RELN: variants seen among roughly 807,000 people sequenced by gnomAD.
RELN encodes the protein reelin.
RELN carries 108 observed loss-of-function variants against 427.6 expected under a neutral mutation model. That is an observed-to-expected ratio of 0.25 (90% confidence interval 0.22 to 0.30). The LOEUF (loss-of-function observed/expected upper bound fraction) is 0.30, where lower values mean the gene tolerates loss of function less well. Ranked by LOEUF, RELN falls within the 10% of genes least tolerant of loss-of-function variation. The probability of loss-of-function intolerance (pLI) is 1.00; values close to 1 mark genes in which losing one functional copy is unlikely to be tolerated. For missense variants in RELN, 3,715 were observed against 4,302.8 expected (o/e 0.86, Z 3.82); for synonymous variants, 1,524 against 1,513.4 (o/e 1.01, Z -0.16).
rs57217576 is a variant in RELN, at chr7:103,491,856, T to TCTCTCTCTCTCACA, written c.9443+96_9443+97insTGTGAGAGAGAGAG. ...CTCTCTCTCTCTCTCTCTCTCTCTC[T>TCTCTCTCTCTCACA]CACACACACACACACACACACACAC... On this transcript the variant is annotated intron_variant, in intron 58 of 64. Coordinates refer to ENST00000428762, the MANE Select transcript of RELN (RefSeq NM_005045.4). The TCTCTCTCTCTCACA allele has an allele frequency of 3.1e-5, 9 of 288,650 alleles. No homozygotes were observed. In the East Asian group the frequency reaches 4.3e-4, roughly 14 times the overall value. 17.9% of individuals were successfully genotyped at this position (288,650 alleles called of 1,614,324 possible).
At chr7:103,761,078 C>T (rs1791286877) in intron 4 of RELN, among the ~76,000 whole-genome samples, 1 of 152,068 alleles carries the variant, frequency 6.6e-6, no homozygotes, top group Non-Finnish European at 1.5e-5. Flanking sequence ...TACACAGAAC[C>T]AGCAATATTA....
intron 1 of RELN, among the ~76,000 whole-genome samples, chr7:103,927,103 TA>T (rs1278104017): frequency 6.6e-6 from 1 of 152,342 alleles, no homozygotes; most frequent in East Asian, 1.9e-4. Context: ...TGATTAACTA[TA>T]AAATTCTATT....
At chr7:103,721,896 TTG>T (rs1318862923) in intron 8 of RELN, among the ~76,000 whole-genome samples, 1 of 152,182 alleles carries the variant, frequency 6.6e-6, no homozygotes, top group African/African-American at 2.4e-5. Flanking sequence ...TTAAAAAAAT[TTG>T]TTTTTGTAGC....
intron 2 of RELN, among the ~76,000 whole-genome samples, chr7:103,877,812 T>TTCC (rs1447133465): frequency 6.6e-6 from 1 of 150,462 alleles, no homozygotes; most frequent in Non-Finnish European, 1.5e-5. Context: ...TCCTTCGTCC[T>TTCC]TCCTCCTCCT....
intron 1 of RELN, among the ~76,000 whole-genome samples, chr7:103,957,339 G>A (rs10276794): frequency 6.6e-6 from 1 of 151,996 alleles, no homozygotes; most frequent in Non-Finnish European, 1.5e-5. Flanking sequence ...GCTCGGGGAT[G>A]CAAAACAGAA....
intron 2 of RELN, among the ~76,000 whole-genome samples, chr7:103,914,370 A>G (rs1795436444): frequency 6.6e-6 from 1 of 152,054 alleles, no homozygotes; most frequent in Non-Finnish European, 1.5e-5. Flanking sequence ...CCCCGCAATG[A>G]CAAATGATAG....
intron 3 of RELN, among the ~76,000 whole-genome samples, chr7:103,808,503 T>C (rs959848982): frequency 2.6e-5 from 4 of 152,024 alleles, no homozygotes; most frequent in Admixed American, 2.0e-4. Context: ...ATCACTAGAC[T>C]TTTTAGGAAA....
chr7:103,660,018 T>C (rs1833104243), intron 12 of RELN, among the ~76,000 whole-genome samples: 2 of 152,136 alleles, frequency 1.3e-5, no homozygotes, highest in South Asian at 4.1e-4. Flanking sequence ...CATTGATTAA[T>C]AATATGCTTT....
chr7:103,821,974 A>G (rs545603860), intron 3 of RELN, among the ~76,000 whole-genome samples: 76 of 152,258 alleles, frequency 5.0e-4, no homozygotes, highest in African/African-American at 1.3e-3. Flanking sequence ...GAACTCATCA[A>G]TGTGGATAAC....
intron 2 of RELN, among the ~76,000 whole-genome samples, chr7:103,913,517 T>C (rs1037780708): frequency 3.3e-5 from 5 of 152,132 alleles, no homozygotes; most frequent in African/African-American, 1.2e-4. Context: ...AAGTGCCACA[T>C]TACTTTAGCC....
intron 46 of RELN, among the ~76,000 whole-genome samples, chr7:103,530,937 T>C (rs887714047): frequency 2.2e-4 from 33 of 152,168 alleles, no homozygotes; most frequent in Non-Finnish European, 2.9e-5. Context: ...CTTAAATAGA[T>C]TGTAACCTCC....
chr7:103,858,410 A>C (rs913916223), intron 2 of RELN, among the ~76,000 whole-genome samples: 1 of 152,176 alleles, frequency 6.6e-6, no homozygotes, highest in African/African-American at 2.4e-5. Context: ...CACCTTTGAC[A>C]TGGTAGTTGT....
chr7:103,486,099 T>A, intron 61 of RELN, 98 bp downstream of exon 61: 1 of 1,120,838 alleles, frequency 8.9e-7, no homozygotes. Flanking sequence ...TAGTGACATC[T>A]GTGCCATGAA....
intron 2 of RELN, among the ~76,000 whole-genome samples, chr7:103,868,808 T>C (rs1325354572): frequency 6.6e-6 from 1 of 152,120 alleles, no homozygotes; most frequent in Non-Finnish European, 1.5e-5. Flanking sequence ...ACTCACGAAA[T>C]GTTCCTCTTT....
At chr7:103,683,194 T>C (rs967341698) in intron 10 of RELN, among the ~76,000 whole-genome samples, 6 of 152,112 alleles carry the variant, frequency 3.9e-5, no homozygotes, top group Non-Finnish European at 8.8e-5. Context: ...AAAAACCAAC[T>C]GGACAAAACC....
Position 103,596,769 on chromosome 7 carries a change from C to T in RELN, c.3334-108G>A, listed in dbSNP as rs552902035. The T allele has an allele frequency of 5.4e-6, 5 of 933,082 alleles. No individual in the cohort carries two copies. The South Asian group carries it at 5.5e-5, about 10-fold the overall frequency. 57.8% of individuals were successfully genotyped at this position (933,082 alleles called of 1,614,324 possible). A position where few individuals can be genotyped will look rare whatever the true frequency, so the allele number is the denominator to read the frequency against. On this transcript the variant is annotated intron_variant, in intron 24 of 64. Transcript: ENST00000428762. ...CATCTTAGCACTATGTGGAAATGGT[C>T]TCGTCCCCATTTATTGTGGAGAGAG...
At position 103,596,633 on chromosome 7, in the gene RELN, T is replaced by C. The variant is rs764811560; in HGVS notation, c.3362A>G (p.Asp1121Gly). 3.7e-6 allele frequency: 6 copies of C among 1,614,010 alleles called. No homozygotes were observed. The highest frequency in any genetic ancestry group is 1.7e-5 in the Admixed American group (1 of 59,998). Residue 1121 changes from aspartate (D) to glycine (G), a missense_variant, in exon 25 of 65, where the codon GAC (aspartate) becomes GGC (glycine). Asp to Gly is a moderately conservative substitution (Grantham distance 94, BLOSUM62 -1). Coordinates refer to ENST00000428762, the MANE Select transcript of RELN (RefSeq NM_005045.4). ...KAGKRQLVSW[D>G]LDTSWVDFVQ... ...AAAGTCCACCCAAGAAGTATCCAGGTCCCAACTCACCAGCTGTCTTTTCCC... is the reference window on the plus strand; with the variant it reads ...AAAGTCCACCCAAGAAGTATCCAGGCCCCAACTCACCAGCTGTCTTTTCCC...
chr7:103,585,206 C>A (rs1460621500), intron 28 of RELN, among the ~76,000 whole-genome samples: 1 of 151,824 alleles, frequency 6.6e-6, no homozygotes, highest in Non-Finnish European at 1.5e-5. Flanking sequence ...TAACAAAGAT[C>A]AAAGCAGAAC....
intron 12 of RELN, among the ~76,000 whole-genome samples, chr7:103,655,518 T>G (rs932169138): frequency 1.3e-5 from 2 of 152,158 alleles, no homozygotes; most frequent in Middle Eastern, 6.8e-3. Context: ...ACTTAGCATT[T>G]GATATTAAAT....
Sources: allele counts gnomAD v4.1 joint callset (sites outside exome capture counted in the v4.1 genomes callset), GRCh38; gene constraint gnomAD v4.1.1; transcripts MANE v1.5; gene names NCBI Gene and HGNC (gene_info 2026-07-23, HGNC 2026-07-21).